The following CFTR variants were observed in gnomAD, a reference collection of about 807,000 sequenced individuals.
CFTR encodes cystic fibrosis transmembrane conductance regulator.
Under a neutral mutation model 171.6 loss-of-function variants are expected in CFTR, and 181 were observed. That is an observed-to-expected ratio of 1.05 (90% CI 0.93 to 1.19). The LOEUF is 1.19. Ranked by LOEUF, CFTR falls within the 50% of genes most tolerant of loss-of-function variation. The pLI is 0.00. For missense variants in CFTR, 1,968 were observed against 1,734.7 expected (o/e 1.13, Z -2.39); for synonymous variants, 583 against 608.0 (o/e 0.96, Z 0.60).
chr7:117,666,642 T>C (rs538551538), intron 26 of CFTR, among the ~76,000 whole-genome samples: 14 of 152,274 alleles, frequency 9.2e-5, no homozygotes, highest in African/African-American at 3.4e-4. Flanking sequence ...TATTTTGTTT[T>C]CAAAGCAACT....
intron 22 of CFTR, among the ~76,000 whole-genome samples, chr7:117,638,000 CA>C (rs1430513141): frequency 2.0e-5 from 3 of 152,178 alleles, no homozygotes; most frequent in Non-Finnish European, 4.4e-5. Context: ...AGAAGTCGGC[CA>C]GTGACTTGGA....
intron 24 of CFTR, among the ~76,000 whole-genome samples, chr7:117,653,844 C>T (rs778302389): frequency 9.2e-5 from 14 of 152,222 alleles, no homozygotes; most frequent in Non-Finnish European, 1.8e-4. Context: ...AGGTGTGATT[C>T]CTCTTTAGGC....
At chr7:117,565,230 A>G (rs1791580732) in intron 11 of CFTR, among the ~76,000 whole-genome samples, 1 of 152,208 alleles carries the variant, frequency 6.6e-6, no homozygotes, top group Non-Finnish European at 1.5e-5. Flanking sequence ...GCTAGTTTAA[A>G]AGGAGAAATC....
intron 11 of CFTR, among the ~76,000 whole-genome samples, chr7:117,567,093 A>G (rs1178879467): frequency 6.6e-6 from 1 of 152,224 alleles, no homozygotes; most frequent in Non-Finnish European, 1.5e-5. Context: ...TTAAAACACA[A>G]AGTAAAAAAT....
chr7:117,617,215 A>C lies in CFTR; in HGVS notation c.3468+2502A>C, dbSNP rs998635283. 2.0e-5 allele frequency among the ~76,000 whole-genome samples: 3 copies of C among 152,004 alleles called. No homozygotes were observed. The East Asian group carries it at 5.8e-4, about 29-fold the overall frequency. On this transcript the variant is annotated intron_variant, in intron 21 of 26. Coordinates refer to ENST00000003084, the MANE Select transcript of CFTR (RefSeq NM_000492.4). ...AATAGTTTATTTACCCATCTGGCCTAGTTTAGACAAAAACACAGAGTCAAA... is the reference window on the plus strand; with the variant it reads ...AATAGTTTATTTACCCATCTGGCCTCGTTTAGACAAAAACACAGAGTCAAA...
At chr7:117,491,176 T>C (rs1289970556) in intron 1 of CFTR, among the ~76,000 whole-genome samples, 1 of 152,066 alleles carries the variant, frequency 6.6e-6, no homozygotes, top group African/African-American at 2.4e-5. Context: ...GACACAGTGG[T>C]ATTTGCATAT....
rs777892053 is a variant in CFTR at position 117,664,809 on chromosome 7, G to A, written c.4085G>A (p.Ser1362Asn). ...QLMCLARSVL[S>N]KAKILLLDEP... ...ATGTGCTTGGCTAGATCTGTTCTCA[G>A]TAAGGCGAAGATCTTGCTGCTTGAT... Residue 1362 changes from serine (S) to asparagine (N), a missense_variant, in exon 25 of 27, where the codon AGT becomes AAT. Transcript: ENST00000003084. 3.1e-6 allele frequency: 5 copies of A among 1,614,048 alleles called. No homozygotes were observed. In the Admixed American group the frequency reaches 8.3e-5, roughly 27 times the overall value.
chr7:117,603,687 T>G lies in CFTR; in HGVS notation c.2813T>G (p.Val938Gly), dbSNP rs193922511. The change falls in exon 17 of 27, where the codon GTG (valine) becomes GGG (glycine). Residue 938 changes from valine to glycine, a missense_variant. Coordinates refer to ENST00000003084, the MANE Select transcript of CFTR (RefSeq NM_000492.4). ...AMGFFRGLPLVHTLITVSKIL... is the reference protein window; with the variant it reads ...AMGFFRGLPLGHTLITVSKIL... ...GGATTCTTCAGAGGTCTACCACTGGTGCATACTCTAATCACAGTGTCGAAA... is the reference window on the plus strand; with the variant it reads ...GGATTCTTCAGAGGTCTACCACTGGGGCATACTCTAATCACAGTGTCGAAA... 28 of 1,613,998 alleles carry G rather than the reference T, an allele frequency of 1.7e-5. No homozygotes were observed. The highest frequency in any genetic ancestry group is 2.3e-5 in the Non-Finnish European group (27 of 1,179,966).
intron 1 of CFTR, among the ~76,000 whole-genome samples, chr7:117,503,997 TGGG>T (rs1798372748): frequency 6.6e-6 from 1 of 152,172 alleles, no homozygotes; most frequent in Non-Finnish European, 1.5e-5. Context: ...GTTTTTTCCC[TGGG>T]AAAAACCATA....
At chr7:117,662,003 A>G (rs1351161722) in intron 24 of CFTR, among the ~76,000 whole-genome samples, 2 of 149,540 alleles carry the variant, frequency 1.3e-5, no homozygotes, top group East Asian at 1.9e-4. Context: ...AAAAAAAAAA[A>G]AAACCCTCAA....
intron 22 of CFTR, among the ~76,000 whole-genome samples, chr7:117,640,074 A>T (rs1246511924): frequency 2.6e-5 from 4 of 152,154 alleles, no homozygotes; most frequent in Non-Finnish European, 4.4e-5. Flanking sequence ...ATCTTGATCC[A>T]ACATTCTCAG....
Position 117,627,678 on chromosome 7 carries a change from C to G in CFTR, c.3625C>G (p.Gln1209Glu). Reference sequence around the variant, plus strand: ...AGATGACATCTGGCCCTCAGGGGGCCAAATGACTGTCAAAGATCTCACAGC... The same window carrying G: ...AGATGACATCTGGCCCTCAGGGGGCGAAATGACTGTCAAAGATCTCACAGC... ...KKDDIWPSGG[Q>E]MTVKDLTAKY... Residue 1209 changes from glutamine to glutamate, a missense_variant, in exon 22 of 27, where the codon CAA (glutamine) becomes GAA (glutamate). Coordinates refer to ENST00000003084, the MANE Select transcript of CFTR (RefSeq NM_000492.4). 1 of 1,613,194 alleles carries G rather than the reference C, an allele frequency of 6.2e-7. No individual in the cohort carries two copies. The highest frequency in any genetic ancestry group is 8.5e-7 in the Non-Finnish European group (1 of 1,179,482).
chr7:117,620,163 CT>C (rs1277949236), intron 21 of CFTR, among the ~76,000 whole-genome samples: 1 of 151,978 alleles, frequency 6.6e-6, no homozygotes, highest in Non-Finnish European at 1.5e-5. Context: ...ATATTTTCCT[CT>C]CATGACCTCT....
At chr7:117,637,119 T>A (rs949597613) in intron 22 of CFTR, among the ~76,000 whole-genome samples, 3 of 151,990 alleles carry the variant, frequency 2.0e-5, no homozygotes, top group African/African-American at 7.2e-5. Flanking sequence ...GCCCTGCCTT[T>A]AGCATGTTAA....
intron 1 of CFTR, among the ~76,000 whole-genome samples, chr7:117,489,951 T>A (rs1480525096): frequency 6.6e-6 from 1 of 151,898 alleles, no homozygotes; most frequent in Non-Finnish European, 1.5e-5. Flanking sequence ...ACTTAATTCT[T>A]CCCCCATCTT....
At chr7:117,571,985 C>A (rs932896926) in intron 11 of CFTR, among the ~76,000 whole-genome samples, 2 of 123,610 alleles carry the variant, frequency 1.6e-5, no homozygotes, top group African/African-American at 5.7e-5. Flanking sequence ...GAAGGAAAAA[C>A]CTTTTTTTAT....
At chr7:117,523,374 G>GTTTTTTT (rs1205226439) in intron 3 of CFTR, among the ~76,000 whole-genome samples, 1 of 139,580 alleles carries the variant, frequency 7.2e-6, no homozygotes, top group African/African-American at 2.6e-5. Flanking sequence ...GTTTTGTTTT[G>GTTTTTTT]TTTTTTGTTT....
chr7:117,620,490 G>A (rs541687743), intron 21 of CFTR, among the ~76,000 whole-genome samples: 1 of 152,204 alleles, frequency 6.6e-6, no homozygotes, highest in South Asian at 2.1e-4. Flanking sequence ...GAATGCTAGA[G>A]TCCATTGATT....
At chr7:117,654,835 C>A (rs1793144055) in intron 24 of CFTR, among the ~76,000 whole-genome samples, 1 of 152,142 alleles carries the variant, frequency 6.6e-6, no homozygotes, top group Non-Finnish European at 1.5e-5. Context: ...GTGAAGTCTG[C>A]AATGTGAGGT....
Sources: allele counts gnomAD v4.1 joint callset (sites outside exome capture counted in the v4.1 genomes callset), GRCh38; gene constraint gnomAD v4.1.1; transcripts MANE v1.5; gene names NCBI Gene and HGNC (gene_info 2026-07-23, HGNC 2026-07-21).